RMDN2: variants seen among roughly 807,000 people sequenced by gnomAD.
RMDN2 encodes the protein regulator of microtubule dynamics protein 2.
In RMDN2, 61 loss-of-function variants were observed where a neutral mutation model predicts 52.8. The ratio of observed to expected loss-of-function variants is 1.16; its 90% CI spans 0.94 to 1.43. RMDN2 has a LOEUF of 1.43. Ranked by LOEUF, RMDN2 falls within the 40% of genes most tolerant of loss-of-function variation. RMDN2 has a pLI of 0.00. For synonymous variants in RMDN2, 180 were observed against 153.1 expected (o/e 1.18, Z -1.30); for missense variants, 592 against 475.3 (o/e 1.25, Z -2.28).
At chr2:37,992,319 T>TA (rs1674913003) in intron 7 of RMDN2, among the ~76,000 whole-genome samples, 3 of 152,148 alleles carry the variant, frequency 2.0e-5, no homozygotes, top group African/African-American at 7.2e-5. Flanking sequence ...GAAAAAGGAG[T>TA]AAAGGTATAT....
chr2:37,968,288 A>G (rs1172835473), intron 2 of RMDN2, among the ~76,000 whole-genome samples: 1 of 151,082 alleles, frequency 6.6e-6, no homozygotes, highest in Non-Finnish European at 1.5e-5. Context: ...TAAAAATACA[A>G]CAAAATTAGC....
At chr2:37,969,220 T>G (rs940557298) in intron 2 of RMDN2, among the ~76,000 whole-genome samples, 6 of 152,080 alleles carry the variant, frequency 3.9e-5, no homozygotes, top group Non-Finnish European at 7.4e-5. Context: ...CCTTTCCATA[T>G]TAATTTTAGG....
chr2:37,953,897 G>C (rs1199167315), intron 2 of RMDN2, among the ~76,000 whole-genome samples: 2 of 151,978 alleles, frequency 1.3e-5, no homozygotes, highest in Admixed American at 1.3e-4. Context: ...ATCCTAATGG[G>C]TATGAGGTGG....
intron 10 of RMDN2, among the ~76,000 whole-genome samples, chr2:38,052,550 T>C (rs1681665175): frequency 6.6e-6 from 1 of 152,214 alleles, no homozygotes; most frequent in Non-Finnish European, 1.5e-5. Context: ...TTGTCCATTT[T>C]TGCTGTGTTG....
At chr2:38,037,785 A>G (rs920086011) in intron 10 of RMDN2, among the ~76,000 whole-genome samples, 3 of 152,200 alleles carry the variant, frequency 2.0e-5, no homozygotes, top group African/African-American at 7.2e-5. Flanking sequence ...CGTGAGCTTT[A>G]TGCACTTTGG....
At chr2:37,985,267 A>T (rs144182815) in intron 5 of RMDN2, among the ~76,000 whole-genome samples, 1 of 152,334 alleles carries the variant, frequency 6.6e-6, no homozygotes, top group Non-Finnish European at 1.5e-5. Flanking sequence ...CATAGCATCT[A>T]TGCTTTTCAT....
intron 2 of RMDN2, chr2:37,952,011 C>G: frequency 1.2e-6 from 2 of 1,612,796 alleles, no homozygotes; most frequent in East Asian, 2.2e-5. Context: ...AATCATGATT[C>G]CACAGCATCC....
intron 2 of RMDN2, among the ~76,000 whole-genome samples, chr2:37,943,882 A>G (rs1413647178): frequency 1.3e-5 from 2 of 151,844 alleles, no homozygotes; most frequent in Non-Finnish European, 1.5e-5. Flanking sequence ...TACTCCCCAT[A>G]TCTTTGCTCT....
intron 2 of RMDN2, among the ~76,000 whole-genome samples, chr2:37,973,247 G>T (rs1470080451): frequency 6.6e-6 from 1 of 152,068 alleles, no homozygotes. Flanking sequence ...TGTTTGTATT[G>T]TTTGCTGGCA....
rs1030382879 is a variant in RMDN2, at chr2:38,034,680, C to T, written c.1713+30464C>T. 6.0e-5 allele frequency among the ~76,000 whole-genome samples: 9 copies of T among 150,822 alleles called. No homozygotes were observed. In the South Asian group the frequency reaches 8.3e-4, roughly 14 times the overall value. On this transcript the variant is annotated intron_variant, in intron 10 of 10. Coordinates refer to the RMDN2 transcript ENST00000234195. ...AAACTTTCTTATTTTATGCTTGAAT[C>T]GGTTGTAAAAATTGTCATCCCCTAA... is the stretch of plus-strand genomic sequence containing the variant.
rs1671479267 is a variant in RMDN2, at chr2:37,969,228, AG to A, written c.453-4809del. Among the ~76,000 whole-genome samples the A allele has an allele frequency of 9.9e-5, 15 of 152,134 alleles. 1 individual carries two copies. The South Asian group carries it at 3.1e-3, about 31-fold the overall frequency. On this transcript the variant is annotated intron_variant, in intron 2 of 10. Transcript: ENST00000354545. Reference sequence around the variant, plus strand: ...GCACTTGCCTTTCCATATTAATTTTAGGGTCAGGTCTGTTCCATAGAAAATT... The same window carrying A: ...GCACTTGCCTTTCCATATTAATTTTAGGTCAGGTCTGTTCCATAGAAAATT...
At chr2:37,969,599 T>A (rs931110070) in intron 2 of RMDN2, among the ~76,000 whole-genome samples, 1 of 151,938 alleles carries the variant, frequency 6.6e-6, no homozygotes, top group African/African-American at 2.4e-5. Context: ...TTTTGTTAGG[T>A]CCTCTATTGA....
chr2:37,975,784 T>A (rs1328728035), intron 4 of RMDN2, among the ~76,000 whole-genome samples: 2 of 152,244 alleles, frequency 1.3e-5, no homozygotes, highest in Non-Finnish European at 1.5e-5. Flanking sequence ...TTTAATCTAT[T>A]TTAATATATT....
chr2:38,013,178 C>T (rs566918964), intron 10 of RMDN2, among the ~76,000 whole-genome samples: 12 of 152,298 alleles, frequency 7.9e-5, no homozygotes, highest in African/African-American at 1.9e-4. Context: ...AGTGTGAGAA[C>T]GATTGCTGAA....
chr2:37,971,467 T>G (rs774890926), intron 2 of RMDN2, among the ~76,000 whole-genome samples: 1 of 152,222 alleles, frequency 6.6e-6, no homozygotes, highest in Non-Finnish European at 1.5e-5. Context: ...CCCCAAGGAC[T>G]AAAATATATT....
Position 37,934,611 on chromosome 2 carries a change from G to A in RMDN2, c.452+4882G>A, listed in dbSNP as rs113635579. Among the ~76,000 whole-genome samples the A allele has an allele frequency of 5.5e-3, 833 of 152,164 alleles. 4 individuals are homozygous for A. The highest frequency in any genetic ancestry group is 0.014 in the Middle Eastern group (4 of 294). ...AATCAGCTATGCTGTGGCAGCATCA[G>A]TTTCTTTCAGTAAGAATAGTATTCG... is the stretch of plus-strand genomic sequence containing the variant. On this transcript the variant is annotated intron_variant, in intron 2 of 10. Coordinates refer to ENST00000354545, the MANE Select transcript of RMDN2 (RefSeq NM_001170791.3).
chr2:38,032,825 C>G (rs189143019), intron 10 of RMDN2: 1 of 151,490 alleles, frequency 6.6e-6, no homozygotes, highest in African/African-American at 2.4e-5. Context: ...GGCAACAGAG[C>G]GAGAGTCCGT....
At chr2:37,949,200 A>C (rs964642951) in intron 2 of RMDN2, among the ~76,000 whole-genome samples, 1 of 152,198 alleles carries the variant, frequency 6.6e-6, no homozygotes, top group African/African-American at 2.4e-5. Flanking sequence ...ATCTTGCTAC[A>C]TGAGCCATAC....
At chr2:37,991,134 A>G in intron 6 of RMDN2, 86 bp from the exon 7 acceptor site, 1 of 593,612 alleles carries the variant, frequency 1.7e-6, no homozygotes, top group East Asian at 3.0e-5. Context: ...TTTTAAAACC[A>G]CTTTTGAGTT....
Sources: gnomAD v4.1 joint callset for allele counts (sites outside exome capture counted in the v4.1 genomes callset) on GRCh38, gnomAD v4.1.1 for gene constraint, MANE v1.5 for transcripts, NCBI Gene and HGNC (gene_info 2026-07-23, HGNC 2026-07-21) for gene names.